METTL4: variants seen among roughly 807,000 people sequenced by gnomAD.
METTL4 encodes N(6)-adenine-specific methyltransferase METTL4.
METTL4 carries 40 observed loss-of-function variants against 54.0 expected under a neutral mutation model. That is an observed-to-expected ratio of 0.74 (90% CI 0.58 to 0.96). METTL4 has a LOEUF of 0.96. Ranked by LOEUF, METTL4 falls within the 50% of genes least tolerant of loss-of-function variation. The pLI, the probability that METTL4 is intolerant of heterozygous loss-of-function variation, is 0.00. For missense variants in METTL4, 525 were observed against 549.0 expected (o/e 0.96, Z 0.44); for synonymous variants, 169 against 183.8 (o/e 0.92, Z 0.65).
At chr18:2,539,405 C>CT (rs1453764198) in intron 8 of METTL4, among the ~76,000 whole-genome samples, 1 of 151,850 alleles carries the variant, frequency 6.6e-6, no homozygotes, top group Non-Finnish European at 1.5e-5. Flanking sequence ...GAAATGAGGA[C>CT]TTTAACACCT....
intron 3 of METTL4, chr18:2,555,507 T>A (rs1048975240): frequency 6.5e-6 from 1 of 154,668 alleles, no homozygotes. Context: ...AAAATCATCA[T>A]CATCTTCTAT....
At chr18:2,565,784 T>C (rs991344111) in intron 2 of METTL4, among the ~76,000 whole-genome samples, 1 of 151,930 alleles carries the variant, frequency 6.6e-6, no homozygotes, top group Non-Finnish European at 1.5e-5. Context: ...AAAAAGAAAA[T>C]GTTGAGGCCG....
chr18:2,540,969 T>C (rs2071985606), intron 8 of METTL4: 4 of 955,336 alleles, frequency 4.2e-6, no homozygotes, highest in Non-Finnish European at 3.7e-6. Flanking sequence ...AGAATATCCA[T>C]GTTTTATGAG....
chr18:2,537,707 G>T lies in METTL4; in HGVS notation c.*1293C>A. 2 of 395,582 alleles carry T rather than the reference G, an allele frequency of 5.1e-6. No homozygotes were observed. The highest frequency in any genetic ancestry group is 8.9e-6 in the Non-Finnish European group (2 of 224,670). 24.5% of individuals were successfully genotyped at this position (395,582 alleles called of 1,614,324 possible). On this transcript the variant is annotated 3_prime_UTR_variant, in exon 9 of 9. Coordinates refer to ENST00000574538, the MANE Select transcript of METTL4 (RefSeq NM_022840.5). ...TCAGTAAATTGGCAAGCTTGTCAAA[G>T]AATCATTTCAGTCTAACATTTTACT...
At position 2,544,205 on chromosome 18, in the gene METTL4, T is replaced by C. The variant is rs1375660076; in HGVS notation, c.1263A>G (p.Pro421=). The change falls in exon 8 of 9, where the codon CCA becomes CCG. Residue 421 remains proline (P), a synonymous_variant. Transcript: ENST00000574538. ...TTTATAAAAACATACCAGCAAGCGGTGGCTTATGTGAGTGAAGAGTACAGG... is the reference window on the plus strand; with the variant it reads ...TTTATAAAAACATACCAGCAAGCGGCGGCTTATGTGAGTGAAGAGTACAGG... ...SVPCTLHSHK[P]PLAEVLKDYI... 1 of 1,604,740 alleles carries C rather than the reference T, an allele frequency of 6.2e-7. No homozygotes were observed. Among genetic ancestry groups the C allele is most frequent in the South Asian group, 1.1e-5 (1 of 88,726 alleles).
chr18:2,560,780 G>T (rs2072305205), intron 3 of METTL4, among the ~76,000 whole-genome samples: 1 of 152,164 alleles, frequency 6.6e-6, no homozygotes, highest in South Asian at 2.1e-4. Flanking sequence ...TCGGGAGGCT[G>T]AGGCAAGAGA....
In METTL4 at chr18:2,540,292, T is replaced by C. The variant is rs749507752; in HGVS notation, c.1274-1147A>G. 1.3e-3 allele frequency: 1,315 copies of C among 984,182 alleles called. 1 individual carries two copies. Among genetic ancestry groups the C allele is most frequent in the Admixed American group, 2.0e-3 (33 of 16,282 alleles). The allele number at this position is 984,182 out of a possible 1,614,324, so 61.0% of individuals were successfully genotyped here. On this transcript the variant is annotated intron_variant, in intron 8 of 8. Transcript: ENST00000574538. ...CTAACCACCTAATAGGAATTTGGTA[T>C]AAAATTCAGATAAGAAAAATCACTA...
intron 4 of METTL4, chr18:2,553,839 T>G (rs781467825): frequency 2.0e-5 from 3 of 152,188 alleles, no homozygotes; most frequent in Non-Finnish European, 4.4e-5. Context: ...AAAATGTGCA[T>G]GCATAGAATG....
rs534479605 is a variant in METTL4, at chr18:2,568,273, A to T, written c.-438-619T>A. On this transcript the variant is annotated intron_variant, in intron 1 of 8. Transcript: ENST00000574538. ...GTTGATCACCAGTGACCAATGATGT[A>T]ATCATTCATGTCTGTACAATGAATT... 4.6e-5 allele frequency: 7 copies of T among 152,360 alleles called. No homozygotes were observed. In the South Asian group the frequency reaches 1.4e-3, roughly 32 times the overall value. The allele number at this position is 152,360 out of a possible 1,614,324, so 9.4% of individuals were successfully genotyped here. A position where few individuals can be genotyped will look rare whatever the true frequency, so the allele number is the denominator to read the frequency against.
rs75168681 is a variant in METTL4, at chr18:2,564,348, A to T, written c.397-489T>A. 1.3e-3 allele frequency among the ~76,000 whole-genome samples: 195 copies of T among 152,362 alleles called. 2 individuals are homozygous for T. The East Asian group carries it at 0.036, about 28-fold the overall frequency. On this transcript the variant is annotated intron_variant, in intron 2 of 8. Transcript: ENST00000574538. ...ATGGTGTGCGAGACTCTGTCTCAAA[A>T]AAAAGAACTAGTTCCACATGATAAA...
At chr18:2,555,746 T>C in intron 3 of METTL4, among the ~76,000 whole-genome samples, 1 of 152,120 alleles carries the variant, frequency 6.6e-6, no homozygotes, top group South Asian at 2.1e-4. Context: ...ATGGATCAGA[T>C]TTACCCTTTC....
At chr18:2,544,122 G>A (rs879580786) in intron 8 of METTL4, 73 bp downstream of exon 8, 28 of 1,184,982 alleles carry the variant, frequency 2.4e-5, no homozygotes, top group African/African-American at 4.7e-5. Flanking sequence ...TCTGTAGGCC[G>A]TTTAAATACT....
Position 2,538,341 on chromosome 18 carries a change from T to G in METTL4, c.*659A>C, listed in dbSNP as rs1831162007. ...AAAATGCTGTATAAACTCAGTATAC[T>G]AATGCAGTATTTGGCAGATCTTTGA... On this transcript the variant is annotated 3_prime_UTR_variant, in exon 9 of 9. Transcript: ENST00000574538. 6.3e-6 allele frequency: 1 copy of G among 158,996 alleles called. No homozygotes were observed. The highest frequency in any genetic ancestry group is 2.4e-5 in the African/African-American group (1 of 41,816). The allele number at this position is 158,996 out of a possible 1,614,324, so 9.8% of individuals were successfully genotyped here. A position where few individuals can be genotyped will look rare whatever the true frequency, so the allele number is the denominator to read the frequency against.
chr18:2,540,976 T>C (rs2143463830), intron 8 of METTL4: 1 of 945,786 alleles, frequency 1.1e-6, no homozygotes. Flanking sequence ...CCATGTTTTA[T>C]GAGAGTTTAC....
intron 8 of METTL4, chr18:2,540,123 G>A: frequency 4.1e-6 from 4 of 984,300 alleles, no homozygotes; most frequent in Non-Finnish European, 4.8e-6. Flanking sequence ...TATTTTGTTG[G>A]GGAAAGAGCT....
chr18:2,555,255 A>C (rs929264340), intron 3 of METTL4: 13 of 549,060 alleles, frequency 2.4e-5, no homozygotes, highest in African/African-American at 1.7e-4. Flanking sequence ...CTGACAACTA[A>C]ATAACCAAAT....
rs1363255744 is a variant in METTL4 at position 2,538,164 on chromosome 18, A to G, written c.*836T>C. 6 of 375,708 alleles carry G rather than the reference A, an allele frequency of 1.6e-5. No individual in the cohort carries two copies. In the East Asian group the frequency reaches 2.3e-4, roughly 14 times the overall value. The allele number at this position is 375,708 out of a possible 1,614,324, so 23.3% of individuals were successfully genotyped here. ...ACTTGGTAGACAAATATTTATTTGT[A>G]GAAAATCTATAAATAATATTTTTTT... On this transcript the variant is annotated 3_prime_UTR_variant, in exon 9 of 9. Coordinates refer to ENST00000574538, the MANE Select transcript of METTL4 (RefSeq NM_022840.5).
At chr18:2,541,201 T>A (rs949292385) in intron 8 of METTL4, among the ~76,000 whole-genome samples, 7 of 152,354 alleles carry the variant, frequency 4.6e-5, no homozygotes, top group Non-Finnish European at 1.0e-4. Context: ...AAAGGCAAAT[T>A]AATAAAAATG....
In METTL4 at chr18:2,552,720, T is replaced by A; in HGVS notation, c.874A>T (p.Asn292Tyr). The change falls in exon 5 of 9, where the codon AAC (asparagine) becomes TAC (tyrosine). Residue 292 changes from asparagine (N) to tyrosine (Y), a missense_variant. By Grantham distance (143) the Asn-to-Tyr change is moderately radical. Coordinates refer to ENST00000574538, the MANE Select transcript of METTL4 (RefSeq NM_022840.5). ...DVIVIDPPWQNKSVKRSNRYS... is the reference protein window; with the variant it reads ...DVIVIDPPWQYKSVKRSNRYS... ...CTATTACTTCTTTTAACTGATTTGT[T>A]CTGCCATGGTGGATCTATCACAATT... The A allele has an allele frequency of 6.2e-7, 1 of 1,611,528 alleles. No homozygotes were observed. Among genetic ancestry groups the A allele is most frequent in the Non-Finnish European group, 8.5e-7 (1 of 1,179,082 alleles).
Sources: allele counts gnomAD v4.1 joint callset (sites outside exome capture counted in the v4.1 genomes callset), GRCh38; gene constraint gnomAD v4.1.1; transcripts MANE v1.5; gene names NCBI Gene and HGNC (gene_info 2026-07-23, HGNC 2026-07-21).